The following TENM3 variants were observed in gnomAD, a reference collection of about 807,000 sequenced individuals.
TENM3 encodes teneurin-3.
TENM3 carries 63 observed loss-of-function variants against 255.1 expected under a neutral mutation model. The observed-to-expected ratio is 0.25, with a 90% CI of 0.20 to 0.30. The LOEUF (loss-of-function observed/expected upper bound fraction) is 0.30. Ranked by LOEUF, TENM3 falls within the 10% of genes least tolerant of loss-of-function variation. The pLI, the probability that TENM3 is intolerant of heterozygous loss-of-function variation, is 1.00. For missense variants in TENM3, 2,929 were observed against 3,461.1 expected (o/e 0.85, Z 3.86); for synonymous variants, 1,306 against 1,322.3 (o/e 0.99, Z 0.27).
chr4:182,614,429 AAATCCAG>A (rs2152436525), intron 4 of TENM3, among the ~76,000 whole-genome samples: 2 of 152,296 alleles, frequency 1.3e-5, no homozygotes, highest in South Asian at 4.1e-4. Context: ...AAGTTAGCAG[AAATCCAG>A]TGATTAAAAT....
At chr4:182,594,350 CTT>C (rs1366902297) in intron 3 of TENM3, among the ~76,000 whole-genome samples, 1 of 151,994 alleles carries the variant, frequency 6.6e-6, no homozygotes, top group Non-Finnish European at 1.5e-5. Flanking sequence ...AAAGCAAACA[CTT>C]TTTTGTCTCT....
Position 182,303,491 on chromosome 4 carries a change from C to T in TENM3, c.-75-20455C>T, listed in dbSNP as rs115112477. Among the ~76,000 whole-genome samples, 536 of 152,276 alleles carry T rather than the reference C, an allele frequency of 3.5e-3. 2 individuals carry two copies. Among genetic ancestry groups the T allele is most frequent in the African/African-American group, 0.012 (506 of 41,548 alleles). On this transcript the variant is annotated intron_variant, in intron 1 of 27. Transcript: ENST00000511685. ...CAATAAAGCGTAAGAATTGATATGACCCATCATTTCATTGTATCCAATGCA... is the reference window on the plus strand; with the variant it reads ...CAATAAAGCGTAAGAATTGATATGATCCATCATTTCATTGTATCCAATGCA...
the TENM3 span, among the ~76,000 whole-genome samples, chr4:181,760,431 T>C: frequency 8.8e-4 from 134 of 152,320 alleles, no homozygotes; most frequent in East Asian, 7.7e-4. Context: ...CTTAGGTATA[T>C]CTAAGTTGAA....
chr4:182,709,339 A>G (rs1318554296), intron 12 of TENM3, among the ~76,000 whole-genome samples: 1 of 152,164 alleles, frequency 6.6e-6, no homozygotes, highest in African/African-American at 2.4e-5. Context: ...CCATTTTTGT[A>G]AGAGTTTTAT....
At chr4:181,600,773 G>C in the TENM3 span, among the ~76,000 whole-genome samples, 7 of 150,824 alleles carry the variant, frequency 4.6e-5, no homozygotes, top group Non-Finnish European at 2.9e-5. Context: ...TACCTGGTGA[G>C]TTCCTTGCCT....
intron 6 of TENM3, among the ~76,000 whole-genome samples, chr4:182,665,993 A>G: frequency 6.6e-6 from 1 of 152,204 alleles, no homozygotes; most frequent in Admixed American, 6.5e-5. Context: ...AACATTAGCA[A>G]GAGTTTGGAA....
the TENM3 span, among the ~76,000 whole-genome samples, chr4:181,737,146 C>T: frequency 6.6e-6 from 1 of 152,120 alleles, no homozygotes; most frequent in East Asian, 1.9e-4. Context: ...CCATTGCAAC[C>T]AATTTCAGAA....
intron 3 of TENM3, among the ~76,000 whole-genome samples, chr4:182,502,760 C>T (rs1261296476): frequency 6.6e-6 from 1 of 151,700 alleles, no homozygotes; most frequent in Admixed American, 6.6e-5. Flanking sequence ...TCTTTTATGC[C>T]AATATTTTCT....
chr4:182,114,490 A>T, the TENM3 span, among the ~76,000 whole-genome samples: 1 of 152,076 alleles, frequency 6.6e-6, no homozygotes, highest in East Asian at 1.9e-4. Flanking sequence ...TCTTCGCCAC[A>T]ATCCATATTG....
chr4:181,788,861 G>A, the TENM3 span, among the ~76,000 whole-genome samples: 1 of 152,186 alleles, frequency 6.6e-6, no homozygotes, highest in South Asian at 2.1e-4. Context: ...GCTTTCCAAA[G>A]TGTTAAGATT....
chr4:182,772,249 C>T (rs758352371), intron 22 of TENM3, among the ~76,000 whole-genome samples: 9 of 152,322 alleles, frequency 5.9e-5, no homozygotes, highest in Non-Finnish European at 1.2e-4. Flanking sequence ...ACACCTCTAT[C>T]CTTTTATTCC....
the TENM3 span, among the ~76,000 whole-genome samples, chr4:181,702,458 C>T: frequency 1.3e-5 from 2 of 152,116 alleles, no homozygotes; most frequent in Non-Finnish European, 2.9e-5. Flanking sequence ...GGATAATATG[C>T]TTGTCAAACA....
the TENM3 span, among the ~76,000 whole-genome samples, chr4:181,520,864 A>T: frequency 6.6e-6 from 1 of 152,190 alleles, no homozygotes; most frequent in Non-Finnish European, 1.5e-5. Flanking sequence ...GTTTTACCTG[A>T]ATTAATCATG....
intron 1 of TENM3, among the ~76,000 whole-genome samples, chr4:182,219,676 A>C (rs1320241735): frequency 6.6e-6 from 1 of 152,140 alleles, no homozygotes; most frequent in South Asian, 2.1e-4. Context: ...AAACAAAAAA[A>C]AGAAAAGAAA....
chr4:182,214,065 G>A (rs959725507), intron 1 of TENM3, among the ~76,000 whole-genome samples: 2 of 152,162 alleles, frequency 1.3e-5, no homozygotes, highest in African/African-American at 4.8e-5. Context: ...GCCTCCCCAA[G>A]TGCTGGGATT....
chr4:182,013,801 T>A, the TENM3 span, among the ~76,000 whole-genome samples: 1 of 151,800 alleles, frequency 6.6e-6, no homozygotes, highest in East Asian at 1.9e-4. Context: ...GTGAGTAAAG[T>A]ACTCTCTATA....
the TENM3 span, among the ~76,000 whole-genome samples, chr4:181,705,770 C>T: frequency 6.6e-6 from 1 of 152,034 alleles, no homozygotes; most frequent in Non-Finnish European, 1.5e-5. Context: ...AATTTATATG[C>T]CTGTTTAACA....
At chr4:182,324,343 C>T in intron 2 of TENM3, 91 bp downstream of exon 2, 1 of 950,934 alleles carries the variant, frequency 1.1e-6, no homozygotes, top group Non-Finnish European at 1.7e-6. Flanking sequence ...TGTCTGTTTT[C>T]TGACTTTGGC....
At chr4:181,718,053 A>G in the TENM3 span, among the ~76,000 whole-genome samples, 1 of 149,856 alleles carries the variant, frequency 6.7e-6, no homozygotes, top group Non-Finnish European at 1.5e-5. Flanking sequence ...ATTCGACATA[A>G]TATTGTGTTT....
Sources: gnomAD v4.1 joint callset for allele counts (sites outside exome capture counted in the v4.1 genomes callset) on GRCh38, gnomAD v4.1.1 for gene constraint, MANE v1.5 for transcripts, NCBI Gene and HGNC (gene_info 2026-07-23, HGNC 2026-07-21) for gene names.